Variants in CNBD1 observed in about 807,000 individuals in gnomAD.
CNBD1 encodes cyclic nucleotide-binding domain-containing protein 1.
CNBD1 carries 71 observed loss-of-function variants against 54.4 expected under a neutral mutation model. That is an observed-to-expected ratio of 1.30 (90% CI 1.08 to 1.59). The LOEUF (loss-of-function observed/expected upper bound fraction) is 1.59. Ranked by LOEUF, CNBD1 falls within the 40% of genes most tolerant of loss-of-function variation. The probability of loss-of-function intolerance (pLI) is 0.00; values close to 1 mark genes in which losing one functional copy is unlikely to be tolerated. For missense variants in CNBD1, 659 were observed against 518.0 expected (o/e 1.27, Z -2.64); for synonymous variants, 182 against 170.7 (o/e 1.07, Z -0.51).
chr8:87,392,709 A>G (rs1410195926), intron 2 of CNBD1, among the ~76,000 whole-genome samples: 1 of 151,958 alleles, frequency 6.6e-6, no homozygotes, highest in Non-Finnish European at 1.5e-5. Flanking sequence ...TGGGGGTGAC[A>G]AAAACATTCC....
rs1479686033 is a variant in CNBD1, at chr8:86,887,604, C to T, written c.151C>T (p.Gln51Ter). The T allele has an allele frequency of 6.3e-7, 1 of 1,578,240 alleles. No homozygotes were observed. Reference protein sequence around the residue: ...QLNALCHIRGQHSRSMSNILS... With the variant: ...QLNALCHIRG The stretch of plus-strand genomic sequence containing the variant: ...GAATGCATTATGCCACATTAGAGGA[C>T]AACACAGGTAAGCTATTCATGCATT... The change falls in exon 2 of 11, where the codon CAA becomes TAA. Residue 51 changes from glutamine (Q) to a stop codon, truncating the protein, a stop_gained. Transcript: ENST00000518476. LOFTEE classifies it high-confidence loss of function.
intron 8 of CNBD1, among the ~76,000 whole-genome samples, chr8:87,326,991 G>T (rs1185151513): frequency 6.8e-6 from 1 of 147,290 alleles, no homozygotes. Flanking sequence ...TGGTGTGGAT[G>T]TCCTTTCTGT....
chr8:86,953,873 A>T (rs1586158948), intron 4 of CNBD1, among the ~76,000 whole-genome samples: 1 of 151,186 alleles, frequency 6.6e-6, no homozygotes, highest in South Asian at 2.1e-4. Flanking sequence ...TCTCAAAAAA[A>T]TAAAAAAATC....
At chr8:87,015,917 G>C (rs528556546) in intron 4 of CNBD1, among the ~76,000 whole-genome samples, 4 of 143,328 alleles carry the variant, frequency 2.8e-5, no homozygotes, top group Admixed American at 1.5e-4. Context: ...GGAGGCAGAG[G>C]TTGCAGCAAG....
At chr8:86,980,082 T>A (rs1808447831) in intron 4 of CNBD1, among the ~76,000 whole-genome samples, 1 of 152,234 alleles carries the variant, frequency 6.6e-6, no homozygotes, top group South Asian at 2.1e-4. Flanking sequence ...TTATGACTAC[T>A]TTCTTTTGGT....
chr8:87,383,843 G>A (rs868748996), downstream of CNBD1, among the ~76,000 whole-genome samples: 2 of 152,106 alleles, frequency 1.3e-5, no homozygotes, highest in African/African-American at 4.8e-5. Context: ...TCCAAATCAT[G>A]TAGAGTTAAA....
At chr8:87,305,327 A>G (rs530942979) in intron 8 of CNBD1, among the ~76,000 whole-genome samples, 44 of 152,286 alleles carry the variant, frequency 2.9e-4, no homozygotes, top group African/African-American at 9.6e-4. Flanking sequence ...AAATGACCAT[A>G]TTGCCAAAAA....
intron 2 of CNBD1, among the ~76,000 whole-genome samples, chr8:87,388,520 C>T (rs1056331521): frequency 6.6e-5 from 10 of 152,046 alleles, no homozygotes; most frequent in East Asian, 1.9e-4. Context: ...ATAAATTCCT[C>T]GACACATACA....
intron 5 of CNBD1, among the ~76,000 whole-genome samples, chr8:87,227,816 G>T (rs1196448527): frequency 6.7e-6 from 1 of 149,482 alleles, no homozygotes; most frequent in African/African-American, 2.5e-5. Context: ...AATTCTCCTG[G>T]ATAATATCCT....
At chr8:87,266,158 A>G (rs536285191) in intron 6 of CNBD1, among the ~76,000 whole-genome samples, 10 of 151,922 alleles carry the variant, frequency 6.6e-5, no homozygotes, top group Non-Finnish European at 1.3e-4. Flanking sequence ...TCCCCTAATG[A>G]TTTATACATT....
chr8:87,236,143 C>T (rs1003279591), intron 5 of CNBD1, among the ~76,000 whole-genome samples: 21 of 152,094 alleles, frequency 1.4e-4, no homozygotes, highest in African/African-American at 5.1e-4. Context: ...AAAATATCTC[C>T]TGACAGCACT....
At chr8:87,393,862 C>T (rs1375794681) in intron 2 of CNBD1, among the ~76,000 whole-genome samples, 2 of 151,604 alleles carry the variant, frequency 1.3e-5, no homozygotes, top group Non-Finnish European at 3.0e-5. Context: ...CTGGAGAGAA[C>T]AAATGTGAGT....
intron 8 of CNBD1, among the ~76,000 whole-genome samples, chr8:87,302,334 A>G (rs913013439): frequency 1.3e-5 from 2 of 152,228 alleles, no homozygotes; most frequent in African/African-American, 4.8e-5. Flanking sequence ...CTGGTTCAAC[A>G]TATGCAAATC....
intron 2 of CNBD1, among the ~76,000 whole-genome samples, chr8:87,400,552 T>C (rs1377135637): frequency 6.6e-6 from 1 of 152,006 alleles, no homozygotes; most frequent in Non-Finnish European, 1.5e-5. Flanking sequence ...TTTTTCAAGA[T>C]AGACCCAAGT....
At chr8:86,905,387 G>A (rs1032936719) in intron 3 of CNBD1, among the ~76,000 whole-genome samples, 193 bp downstream of exon 3, 58 of 152,144 alleles carry the variant, frequency 3.8e-4, no homozygotes, top group African/African-American at 1.3e-3. Context: ...GCAAAAATAC[G>A]TGTCCACTGC....
rs112006835 is a variant in CNBD1 at position 87,131,021 on chromosome 8, C to T, written c.432-74972C>T. Among the ~76,000 whole-genome samples the T allele has an allele frequency of 3.3e-3, 505 of 152,068 alleles. 4 individuals carry two copies. The highest frequency in any genetic ancestry group is 0.011 in the African/African-American group (463 of 41,490). On this transcript the variant is annotated intron_variant, in intron 4 of 10. Transcript: ENST00000518476. ...ATATAACAACTCCAGCCTTCTTACCCGGTTTACATAATATGTATCTGTCCA... is the reference window on the plus strand; with the variant it reads ...ATATAACAACTCCAGCCTTCTTACCTGGTTTACATAATATGTATCTGTCCA...
intron 4 of CNBD1, among the ~76,000 whole-genome samples, chr8:87,165,157 C>T (rs1812935997): frequency 6.6e-6 from 1 of 151,758 alleles, no homozygotes; most frequent in African/African-American, 2.4e-5. Context: ...TAAATTTGTT[C>T]ATAATTATTT....
chr8:87,034,462 A>AT (rs1809863682), intron 4 of CNBD1, among the ~76,000 whole-genome samples: 1 of 152,220 alleles, frequency 6.6e-6, no homozygotes, highest in Admixed American at 6.5e-5. Context: ...CTACACAATT[A>AT]TTACAGTAGC....
intron 6 of CNBD1, among the ~76,000 whole-genome samples, chr8:87,252,984 A>G (rs1807940435): frequency 6.6e-6 from 1 of 152,148 alleles, no homozygotes; most frequent in Admixed American, 6.6e-5. Flanking sequence ...TTTAGAAATG[A>G]GTAAATGCCT....
Sources: gnomAD v4.1 joint callset for allele counts (sites outside exome capture counted in the v4.1 genomes callset) on GRCh38, gnomAD v4.1.1 for gene constraint, MANE v1.5 for transcripts, NCBI Gene and HGNC (gene_info 2026-07-23, HGNC 2026-07-21) for gene names.